The following ERBB4 variants were observed in gnomAD, a reference collection of about 807,000 sequenced individuals.
ERBB4 encodes erb-b2 receptor tyrosine kinase 4.
Under a neutral mutation model 158.0 loss-of-function variants are expected in ERBB4, and 42 were observed. The observed-to-expected ratio is 0.27, with a 90% CI of 0.21 to 0.34. ERBB4 has a LOEUF of 0.34. Ranked by LOEUF, ERBB4 falls within the 10% of genes least tolerant of loss-of-function variation. ERBB4 has a pLI of 1.00. For missense variants in ERBB4, 1,333 were observed against 1,624.1 expected (o/e 0.82, Z 3.08); for synonymous variants, 583 against 558.7 (o/e 1.04, Z -0.61).
At chr2:211,865,669 A>G (rs758025564) in intron 3 of ERBB4, among the ~76,000 whole-genome samples, 4 of 151,996 alleles carry the variant, frequency 2.6e-5, no homozygotes, top group Non-Finnish European at 5.9e-5. Flanking sequence ...TAACTGTTCC[A>G]TCTCCCCAAA....
intron 1 of ERBB4, among the ~76,000 whole-genome samples, chr2:212,387,798 CT>C (rs1049162237): frequency 6.6e-6 from 1 of 151,962 alleles, no homozygotes; most frequent in African/African-American, 2.4e-5. Flanking sequence ...TGTTATATCC[CT>C]TTGTATATGC....
At chr2:212,235,323 C>T (rs1574489536) in intron 1 of ERBB4, among the ~76,000 whole-genome samples, 1 of 152,210 alleles carries the variant, frequency 6.6e-6, no homozygotes, top group East Asian at 1.9e-4. Flanking sequence ...ATGTTCTGTT[C>T]CATTCATCTA....
At chr2:212,373,939 C>T (rs1241236966) in intron 1 of ERBB4, among the ~76,000 whole-genome samples, 1 of 64,900 alleles carries the variant, frequency 1.5e-5, no homozygotes, top group African/African-American at 9.4e-5. Flanking sequence ...CCATATATAT[C>T]CATATATATA....
chr2:212,005,233 G>A (rs2076232220), intron 2 of ERBB4, among the ~76,000 whole-genome samples: 1 of 152,114 alleles, frequency 6.6e-6, no homozygotes, highest in Admixed American at 6.6e-5. Flanking sequence ...GCTAGCTGGA[G>A]TTAGCCATAA....
chr2:211,826,470 A>G (rs2077101666), intron 3 of ERBB4, among the ~76,000 whole-genome samples: 1 of 151,820 alleles, frequency 6.6e-6, no homozygotes, highest in South Asian at 2.1e-4. Context: ...AGCCCTTATT[A>G]TCTTCTCTTA....
rs762290243 is a variant in ERBB4 at position 211,712,030 on chromosome 2, C to T, written c.1124+20G>A. On this transcript the variant is annotated intron_variant, in intron 9 of 27. Coordinates refer to ENST00000342788, the MANE Select transcript of ERBB4 (RefSeq NM_005235.3). ...TGTCTACACTTTGTAAAATAACTTGCACAAAAATTTAATACTGACCCATGA... is the reference window on the plus strand; with the variant it reads ...TGTCTACACTTTGTAAAATAACTTGTACAAAAATTTAATACTGACCCATGA... The T allele has an allele frequency of 3.1e-6, 5 of 1,604,042 alleles. No homozygotes were observed. Among genetic ancestry groups the T allele is most frequent in the South Asian group, 1.1e-5 (1 of 90,868 alleles).
chr2:212,523,070 G>A (rs1007889848), intron 1 of ERBB4, among the ~76,000 whole-genome samples: 2 of 151,916 alleles, frequency 1.3e-5, no homozygotes, highest in African/African-American at 4.8e-5. Flanking sequence ...ATTTTATTTA[G>A]AAGGTTTATA....
chr2:212,184,372 A>T (rs1040196733), intron 1 of ERBB4, among the ~76,000 whole-genome samples: 7 of 152,130 alleles, frequency 4.6e-5, no homozygotes, highest in Non-Finnish European at 8.8e-5. Flanking sequence ...AAGTACTCAA[A>T]GGTATACGAC....
intron 20 of ERBB4, among the ~76,000 whole-genome samples, chr2:211,478,680 A>T (rs1165760682): frequency 1.3e-5 from 2 of 151,476 alleles, no homozygotes; most frequent in African/African-American, 2.4e-5. Flanking sequence ...TCAACATCCT[A>T]ATTCAAGCTC....
intron 3 of ERBB4, among the ~76,000 whole-genome samples, chr2:211,922,258 T>C (rs13426627): frequency 0.029 from 4,458 of 152,180 alleles, 91 homozygotes; most frequent in African/African-American, 0.046. Flanking sequence ...ACCAGTTACA[T>C]TATAAATGTA....
rs796817069 is a variant in ERBB4, at chr2:212,251,905, A to G, written c.83-127002T>C. Among the ~76,000 whole-genome samples, 3 of 152,136 alleles carry G rather than the reference A, an allele frequency of 2.0e-5. 1 individual carries two copies. The highest frequency in any genetic ancestry group is 7.2e-5 in the African/African-American group (3 of 41,576). ...TTTACATTTTAGCACTCTAGCTTTT[A>G]TACTGACAATGGATCACAAGGGTAA... is the stretch of plus-strand genomic sequence containing the variant. On this transcript the variant is annotated intron_variant, in intron 1 of 27. Transcript: ENST00000342788.
intron 3 of ERBB4, among the ~76,000 whole-genome samples, chr2:211,886,731 A>G (rs1185744776): frequency 6.6e-6 from 1 of 152,214 alleles, no homozygotes; most frequent in Non-Finnish European, 1.5e-5. Flanking sequence ...GAAGAGGTCT[A>G]AACTTAGCCT....
chr2:212,205,731 A>T lies in ERBB4; in HGVS notation c.83-80828T>A, dbSNP rs550688305. On this transcript the variant is annotated intron_variant, in intron 1 of 27. Transcript: ENST00000342788. ...TTACATGTAGGAGGGTCTTATAGAAATAAGTAGTCAGATACTTAGGTAAAT... is the reference window on the plus strand; with the variant it reads ...TTACATGTAGGAGGGTCTTATAGAATTAAGTAGTCAGATACTTAGGTAAAT... Among the ~76,000 whole-genome samples the T allele has an allele frequency of 8.5e-4, 130 of 152,326 alleles. 1 individual carries two copies. The South Asian group carries it at 0.024, about 28-fold the overall frequency.
At chr2:212,061,366 T>C (rs563874024) in intron 2 of ERBB4, among the ~76,000 whole-genome samples, 3 of 146,248 alleles carry the variant, frequency 2.1e-5, no homozygotes, top group African/African-American at 5.1e-5. Context: ...GATGGGAGAA[T>C]TGCTTGAACC....
chr2:212,037,602 G>A (rs2077044991), intron 2 of ERBB4, among the ~76,000 whole-genome samples: 1 of 152,188 alleles, frequency 6.6e-6, no homozygotes, highest in Non-Finnish European at 1.5e-5. Context: ...GAAGAATACA[G>A]AGAAATGCCA....
chr2:211,657,752 A>G lies in ERBB4; in HGVS notation c.1946+2T>C. On this transcript the variant is annotated splice_donor_variant, in intron 16 of 27. Transcript: ENST00000342788. LOFTEE classifies it high-confidence loss of function. ...ACAAAATGGAAACATGGTAGATGTT[A>G]CCTAGCATGTTGTGGTAAAGTGGAA... 6.2e-7 allele frequency: 1 copy of G among 1,610,744 alleles called. No homozygotes were observed. The highest frequency in any genetic ancestry group is 8.5e-7 in the Non-Finnish European group (1 of 1,176,874).
rs180872854 is a variant in ERBB4, at chr2:212,515,509, A to G, written c.82+22940T>C. On this transcript the variant is annotated intron_variant, in intron 1 of 27. Transcript: ENST00000342788. ...CATATAAAACAATACTATAAAACAG[A>G]TATTTTAAAATCAATTAAATTAAAG... is the stretch of plus-strand genomic sequence containing the variant. Among the ~76,000 whole-genome samples, 229 of 152,172 alleles carry G rather than the reference A, an allele frequency of 1.5e-3. 1 individual carries two copies. The highest frequency in any genetic ancestry group is 2.7e-3 in the Non-Finnish European group (184 of 67,912).
chr2:211,873,654 A>G (rs2078414811), intron 3 of ERBB4, among the ~76,000 whole-genome samples: 2 of 150,652 alleles, frequency 1.3e-5, no homozygotes, highest in African/African-American at 2.5e-5. Flanking sequence ...AGCTAATTCC[A>G]TTGTGTAACT....
chr2:211,601,880 TAAGA>T (rs947673628), intron 19 of ERBB4, among the ~76,000 whole-genome samples: 1 of 152,090 alleles, frequency 6.6e-6, no homozygotes, highest in African/African-American at 2.4e-5. Flanking sequence ...TATCATGTAA[TAAGA>T]AAGTATTGGG....
Sources: gnomAD v4.1 joint callset for allele counts (sites outside exome capture counted in the v4.1 genomes callset) on GRCh38, gnomAD v4.1.1 for gene constraint, MANE v1.5 for transcripts, NCBI Gene and HGNC (gene_info 2026-07-23, HGNC 2026-07-21) for gene names.